The following RBMS3 variants were observed in gnomAD, a reference collection of about 807,000 sequenced individuals.
RBMS3 encodes RNA binding motif single stranded interacting protein 3.
A neutral mutation model predicts 66.8 loss-of-function variants in RBMS3; 27 were observed. That is an observed-to-expected ratio of 0.40 (90% CI 0.30 to 0.56). The LOEUF is 0.56. RBMS3 is among the 20% of genes least tolerant of loss of function. The pLI is 0.40. For missense variants in RBMS3, 513 were observed against 549.5 expected (o/e 0.93, Z 0.66); for synonymous variants, 188 against 183.0 (o/e 1.03, Z -0.22).
At position 29,373,980 on chromosome 3, in the gene RBMS3, T is replaced by G. The variant is rs570127094; in HGVS notation, c.76-60763T>G. On this transcript the variant is annotated intron_variant, in intron 1 of 14. Coordinates refer to ENST00000383767, the MANE Select transcript of RBMS3 (RefSeq NM_001003793.3). ...TGGATGGGTGGTCAGCATTAGAGCA[T>G]TAGACACAAGGCACTGGGGCAAAGA... Among the ~76,000 whole-genome samples the G allele has an allele frequency of 1.3e-5, 2 of 152,246 alleles. 1 individual carries two copies. The highest frequency in any genetic ancestry group is 4.2e-4 in the South Asian group (2 of 4,814).
At chr3:29,946,342 G>T (rs1461245700) in intron 12 of RBMS3, among the ~76,000 whole-genome samples, 1 of 151,586 alleles carries the variant, frequency 6.6e-6, no homozygotes, top group African/African-American at 2.4e-5. Context: ...ATAACTCTTT[G>T]CCAGTGTAGA....
chr3:29,883,329 T>C (rs1220716468), intron 7 of RBMS3, among the ~76,000 whole-genome samples: 1 of 152,088 alleles, frequency 6.6e-6, no homozygotes, highest in African/African-American at 2.4e-5. Context: ...ATGTGTGACC[T>C]TGAGCAAGTC....
chr3:29,702,668 T>TGAACAACTCTGGATGAGAGGAAC (rs1216816201), intron 4 of RBMS3, among the ~76,000 whole-genome samples: 4 of 151,926 alleles, frequency 2.6e-5, no homozygotes, highest in African/African-American at 9.7e-5. Flanking sequence ...ATAGGAGGAA[T>TGAACAACTCTGGATGAGAGGAAC]GAACAACTCT....
chr3:29,466,427 A>G (rs1272608665), intron 2 of RBMS3, among the ~76,000 whole-genome samples: 1 of 152,122 alleles, frequency 6.6e-6, no homozygotes, highest in Admixed American at 6.5e-5. Flanking sequence ...GATTGTTTAT[A>G]TATTTTTTTA....
intron 12 of RBMS3, among the ~76,000 whole-genome samples, chr3:29,946,819 G>T (rs1291394173): frequency 6.6e-6 from 1 of 151,530 alleles, no homozygotes; most frequent in Non-Finnish European, 1.5e-5. Flanking sequence ...TAGTAGTGGG[G>T]GTTCATTTGA....
At chr3:29,956,334 C>T (rs1696040446) in intron 12 of RBMS3, among the ~76,000 whole-genome samples, 1 of 152,044 alleles carries the variant, frequency 6.6e-6, no homozygotes, top group Admixed American at 6.6e-5. Flanking sequence ...ATTTTGAAAA[C>T]TCTCAAAGTT....
In RBMS3 at chr3:29,809,611, A is replaced by G. The variant is rs562569082; in HGVS notation, c.637+46622A>G. 1.8e-4 allele frequency among the ~76,000 whole-genome samples: 27 copies of G among 152,058 alleles called. 1 individual carries two copies. The highest frequency in any genetic ancestry group is 3.4e-4 in the Non-Finnish European group (23 of 67,880). On this transcript the variant is annotated intron_variant, in intron 6 of 14. Coordinates refer to ENST00000383767, the MANE Select transcript of RBMS3 (RefSeq NM_001003793.3). ...TAAATGTTTGTTTTTTGTTTGCCTT[A>G]ATAGAAGGCAAACAGTTTATTTCAG... is the stretch of plus-strand genomic sequence containing the variant.
chr3:29,311,805 G>T (rs1337435566), intron 1 of RBMS3, among the ~76,000 whole-genome samples: 1 of 151,594 alleles, frequency 6.6e-6, no homozygotes, highest in African/African-American at 2.4e-5. Flanking sequence ...AAGGAATAAG[G>T]GTATGAAGAA....
rs570631459 is a variant in RBMS3 at position 29,869,058 on chromosome 3, G to A, written c.744+94G>A. ...GACGTATGGTGCCATGATGAAATTGGGTCCCATGGAACACCCAATGTCTTC... is the reference window on the plus strand; with the variant it reads ...GACGTATGGTGCCATGATGAAATTGAGTCCCATGGAACACCCAATGTCTTC... On this transcript the variant is annotated intron_variant, in intron 7 of 14. Transcript: ENST00000383767. The A allele has an allele frequency of 1.2e-4, 126 of 1,022,656 alleles. 2 individuals are homozygous for A. The South Asian group carries it at 1.9e-3, about 16-fold the overall frequency. The allele number at this position is 1,022,656 out of a possible 1,614,324, so 63.3% of individuals were successfully genotyped here.
chr3:29,322,452 G>C (rs1451863512), intron 1 of RBMS3, among the ~76,000 whole-genome samples: 1 of 152,040 alleles, frequency 6.6e-6, no homozygotes. Context: ...ACATGCTGTA[G>C]ACATGATTAA....
At position 29,371,024 on chromosome 3, in the gene RBMS3, A is replaced by T. The variant is rs537654893; in HGVS notation, c.76-63719A>T. 5.3e-5 allele frequency among the ~76,000 whole-genome samples: 8 copies of T among 152,338 alleles called. No homozygotes were observed. In the South Asian group the frequency reaches 1.7e-3, roughly 32 times the overall value. ...TGTCATGATTGCTAATGTCATTTTC[A>T]TGATTTTATTTTTAAGCGATCTTTG... On this transcript the variant is annotated intron_variant, in intron 1 of 14. Coordinates refer to ENST00000383767, the MANE Select transcript of RBMS3 (RefSeq NM_001003793.3).
rs115140670 is a variant in RBMS3, at chr3:29,497,506, C to T, written c.307+9007C>T. On this transcript the variant is annotated intron_variant, in intron 3 of 14. Coordinates refer to ENST00000383767, the MANE Select transcript of RBMS3 (RefSeq NM_001003793.3). ...TCACTTCCCTATTTTAAGAATTTGA[C>T]TCATGTCGATAAACATAAAATGCTC... 6.3e-3 allele frequency among the ~76,000 whole-genome samples: 964 copies of T among 152,266 alleles called. 16 individuals are homozygous for T. The highest frequency in any genetic ancestry group is 0.022 in the African/African-American group (927 of 41,550).
chr3:29,513,153 T>C (rs77430255), intron 3 of RBMS3, among the ~76,000 whole-genome samples: 1,869 of 152,304 alleles, frequency 0.012, 33 homozygotes, highest in African/African-American at 0.041. Context: ...TTTATGTAAC[T>C]TGTTAGAGAG....
chr3:29,728,636 A>G (rs2053991181), intron 4 of RBMS3, among the ~76,000 whole-genome samples: 1 of 152,148 alleles, frequency 6.6e-6, no homozygotes, highest in Non-Finnish European at 1.5e-5. Flanking sequence ...CACACAGCAC[A>G]CCACTTTTCT....
chr3:29,828,995 TTTCTTTCTTTC>T lies in RBMS3; in HGVS notation c.638-39860_638-39850del, dbSNP rs1448208730. Among the ~76,000 whole-genome samples the T allele has an allele frequency of 4.0e-3, 198 of 49,900 alleles. 1 individual carries two copies. Among genetic ancestry groups the T allele is most frequent in the African/African-American group, 0.014 (188 of 13,348 alleles). 32.7% of individuals were successfully genotyped at this position (49,900 alleles called of 152,430 possible). A position where few individuals can be genotyped will look rare whatever the true frequency, so the allele number is the denominator to read the frequency against. ...GCGAGTGACTTTCTTTCTTTCTTTCTTTCTTTCTTTCTTTCTTTCTTTCTTTCTTTCTTTCT... is the reference window on the plus strand; with the variant it reads ...GCGAGTGACTTTCTTTCTTTCTTTCTTTTCTTTCTTTCTTTCTTTCTTTCT... On this transcript the variant is annotated intron_variant, in intron 6 of 14. Coordinates refer to ENST00000383767, the MANE Select transcript of RBMS3 (RefSeq NM_001003793.3).
intron 4 of RBMS3, among the ~76,000 whole-genome samples, chr3:29,600,695 G>A (rs2048113220): frequency 6.6e-6 from 1 of 152,094 alleles, no homozygotes; most frequent in Non-Finnish European, 1.5e-5. Flanking sequence ...CAAAGTCTCT[G>A]CAGTGTAGTA....
chr3:29,354,554 G>T (rs563558665), intron 1 of RBMS3, among the ~76,000 whole-genome samples: 1 of 151,820 alleles, frequency 6.6e-6, no homozygotes, highest in Admixed American at 6.6e-5. Context: ...TTGTATCCAT[G>T]GTGCACGTGT....
intron 2 of RBMS3, among the ~76,000 whole-genome samples, chr3:29,483,240 C>T (rs112768898): frequency 0.17 from 24,846 of 144,630 alleles, 2,493 homozygotes; most frequent in Non-Finnish European, 0.22. Context: ...ACCCTGGAGG[C>T]GGAGCTTGCA....
At chr3:29,997,815 C>T (rs916127604) in intron 14 of RBMS3, among the ~76,000 whole-genome samples, 1 of 152,084 alleles carries the variant, frequency 6.6e-6, no homozygotes, top group Non-Finnish European at 1.5e-5. Flanking sequence ...CAATATCATA[C>T]TGAATGGGCA....
Sources: allele counts gnomAD v4.1 joint callset (sites outside exome capture counted in the v4.1 genomes callset), GRCh38; gene constraint gnomAD v4.1.1; transcripts MANE v1.5; gene names NCBI Gene and HGNC (gene_info 2026-07-23, HGNC 2026-07-21).